The following GAK variants were observed in gnomAD, a reference collection of about 807,000 sequenced individuals.
The protein encoded by GAK is cyclin G associated kinase.
GAK carries 79 observed loss-of-function variants against 143.9 expected under a neutral mutation model. The observed-to-expected ratio is 0.55, with a 90% confidence interval of 0.46 to 0.66. The LOEUF (loss-of-function observed/expected upper bound fraction) is 0.66. Ranked by LOEUF, GAK falls within the 30% of genes least tolerant of loss-of-function variation. The pLI is 0.00. For synonymous variants in GAK, 881 were observed against 765.5 expected, an observed-to-expected ratio of 1.15 and a Z score of -2.49; for missense variants, 1,693 against 1,779.7, an observed-to-expected ratio of 0.95 and a Z score of 0.88.
intron 21 of GAK, 105 bp downstream of exon 21, chr4:866,851 T>C (rs1751277823): frequency 2.3e-6 from 2 of 884,938 alleles, no homozygotes; most frequent in South Asian, 1.8e-5. Flanking sequence ...AAGGGCACGT[T>C]CCCTTCCTGC....
At chr4:889,452 A>C (rs1240361721) in intron 10 of GAK, among the ~76,000 whole-genome samples, 5 of 152,056 alleles carry the variant, frequency 3.3e-5, no homozygotes, top group Non-Finnish European at 7.4e-5. Flanking sequence ...TGTTAAAAAA[A>C]AAACACCTGG....
chr4:862,589 C>T (rs1215519039), intron 23 of GAK, among the ~76,000 whole-genome samples: 3 of 151,196 alleles, frequency 2.0e-5, no homozygotes, highest in Non-Finnish European at 4.4e-5. Context: ...ACCCGGGAGG[C>T]GGAGCTTGCA....
At chr4:911,296 A>C (rs1722008708) in intron 4 of GAK, among the ~76,000 whole-genome samples, 1 of 151,298 alleles carries the variant, frequency 6.6e-6, no homozygotes. Flanking sequence ...ACCACGCTCC[A>C]CCCCACAGGG....
At chr4:883,206 G>C (rs1038758661) in intron 13 of GAK, 109 bp downstream of exon 13, 4 of 1,330,436 alleles carry the variant, frequency 3.0e-6, no homozygotes, top group Non-Finnish European at 2.1e-6. Context: ...GGAGACCTCC[G>C]GCCGCCCCCA....
At chr4:885,481 CCACAGGATCCACG>C (rs975154740) in intron 11 of GAK, among the ~76,000 whole-genome samples, 12 of 152,202 alleles carry the variant, frequency 7.9e-5, no homozygotes, top group African/African-American at 2.9e-4. Context: ...GCATTGAGTG[CCACAGGATCCACG>C]CACATCTCAC....
chr4:907,728 A>G (rs1721334180), intron 4 of GAK, among the ~76,000 whole-genome samples: 7 of 152,190 alleles, frequency 4.6e-5, no homozygotes, highest in Admixed American at 1.3e-4. Flanking sequence ...CTGAACCTGC[A>G]GCTGCACGGG....
At chr4:875,734 G>C (rs1713710533) in intron 18 of GAK, among the ~76,000 whole-genome samples, 1 of 152,262 alleles carries the variant, frequency 6.6e-6, no homozygotes, top group Non-Finnish European at 1.5e-5. Flanking sequence ...CTTGAGGTCA[G>C]GAATTCAAGA....
In GAK at chr4:849,465, T is replaced by C. The variant is rs1747666040; in HGVS notation, c.*208A>G. 1 of 573,066 alleles carries C rather than the reference T, an allele frequency of 1.7e-6. No homozygotes were observed. The highest frequency in any genetic ancestry group is 3.0e-5 in the Admixed American group (1 of 33,270). The allele number at this position is 573,066 out of a possible 1,614,324, so 35.5% of individuals were successfully genotyped here. The stretch of plus-strand genomic sequence containing the variant: ...GGAGGAGCATGAATCAGCTGTTCCT[T>C]CGGGAGGAGAAAAAGGAAACAACAA... On this transcript the variant is annotated 3_prime_UTR_variant, in exon 28 of 28. Coordinates refer to ENST00000314167, the MANE Select transcript of GAK (RefSeq NM_005255.4).
chr4:914,589 C>A (rs1320622474), intron 1 of GAK, among the ~76,000 whole-genome samples: 23 of 115,252 alleles, frequency 2.0e-4, no homozygotes, highest in Non-Finnish European at 3.7e-4. Context: ...CCAGGGTGCA[C>A]GGCCCCACAC....
rs114747936 is a variant in GAK, at chr4:932,262, A to T, written c.-75T>A. Reference sequence around the variant, plus strand: ...CTCCCGCTCCCTCGCCGTCCGGGTCAGCTCAGCAACCGCCGGCCCGGAGGT... The same window carrying T: ...CTCCCGCTCCCTCGCCGTCCGGGTCTGCTCAGCAACCGCCGGCCCGGAGGT... On this transcript the variant is annotated 5_prime_UTR_variant, in exon 1 of 28. Coordinates refer to ENST00000314167, the MANE Select transcript of GAK (RefSeq NM_005255.4). The surrounding 1 kb of genome is among the most constrained non-coding windows in gnomAD (Gnocchi z 4.0). 16 of 1,436,850 alleles carry T rather than the reference A, an allele frequency of 1.1e-5. No individual in the cohort carries two copies. The highest frequency in any genetic ancestry group is 1.5e-5 in the Non-Finnish European group (16 of 1,102,626). The allele number at this position is 1,436,850 out of a possible 1,614,324, so 89.0% of individuals were successfully genotyped here.
At chr4:850,287 G>A (rs1052373891) in intron 26 of GAK, 12 of 457,352 alleles carry the variant, frequency 2.6e-5, no homozygotes, top group Non-Finnish European at 3.9e-5. Context: ...AGGGCCTGGG[G>A]CCAGAGGGAC....
At chr4:859,415 A>C (rs1254315401) in intron 24 of GAK, 191 bp downstream of exon 24, 1 of 1,543,730 alleles carries the variant, frequency 6.5e-7, no homozygotes, top group Non-Finnish European at 8.7e-7. Flanking sequence ...TCCCGGTTTT[A>C]GCTTGCCAGT....
At chr4:874,176 G>T (rs1316683857) in intron 18 of GAK, among the ~76,000 whole-genome samples, 1 of 151,850 alleles carries the variant, frequency 6.6e-6, no homozygotes, top group Admixed American at 6.6e-5. Flanking sequence ...CACGTGTGTT[G>T]GTGCTCCTGC....
chr4:914,688 CA>C (rs1722766784), intron 1 of GAK, among the ~76,000 whole-genome samples: 1 of 122,578 alleles, frequency 8.2e-6, no homozygotes, highest in Non-Finnish European at 1.7e-5. Context: ...GCCCCACCCC[CA>C]ACACACAGAG....
chr4:879,156 G>A lies in GAK; in HGVS notation c.1662-1347C>T, dbSNP rs190796496. Among the ~76,000 whole-genome samples the A allele has an allele frequency of 4.4e-3, 663 of 152,262 alleles. 18 individuals are homozygous for A. In the South Asian group the frequency reaches 0.06, roughly 14 times the overall value. The stretch of plus-strand genomic sequence containing the variant: ...AATGGATGTGTGTGGTTCTAAGCCC[G>A]AGTGTGTTGTGTCGGGTCATGTAGC... On this transcript the variant is annotated intron_variant, in intron 15 of 27. Coordinates refer to ENST00000314167, the MANE Select transcript of GAK (RefSeq NM_005255.4).
chr4:893,328 C>T (rs1049236932), intron 9 of GAK, 49 bp downstream of exon 9: 1 of 1,333,328 alleles, frequency 7.5e-7, no homozygotes, highest in South Asian at 1.5e-5. Context: ...CTCATGTGTG[C>T]CTCCTTCACC....
chr4:861,574 G>A (rs1202940113), intron 23 of GAK, among the ~76,000 whole-genome samples: 1 of 152,140 alleles, frequency 6.6e-6, no homozygotes, highest in Non-Finnish European at 1.5e-5. Context: ...CACAACAAGA[G>A]CAAGACCCTG....
chr4:883,900 C>G (rs751013443), intron 12 of GAK, 137 bp downstream of exon 12: 167 of 855,212 alleles, frequency 2.0e-4, no homozygotes, highest in Non-Finnish European at 2.9e-4. Flanking sequence ...GCCAAGGGGC[C>G]CCAGGTCACC....
chr4:882,033 CTCCCG>C lies in GAK; in HGVS notation c.1530_1534del (p.Asp510GlufsTer50). 1 of 1,604,654 alleles carries C rather than the reference CTCCCG, an allele frequency of 6.2e-7. No individual in the cohort carries two copies. Among genetic ancestry groups the C allele is most frequent in the Non-Finnish European group, 8.5e-7 (1 of 1,176,042 alleles). ...GCAGACGGCCACAGCAGACGCGGCT[CTCCCG>C]TCCTAGGACAGACAGACACGTCTCG... On this transcript the variant is annotated frameshift_variant and splice_region_variant, in exon 15 of 28. Coordinates refer to ENST00000314167, the MANE Select transcript of GAK (RefSeq NM_005255.4). LOFTEE classifies it high-confidence loss of function.
Sources: allele counts gnomAD v4.1 joint callset (sites outside exome capture counted in the v4.1 genomes callset), GRCh38; gene constraint gnomAD v4.1.1; non-coding constraint Gnocchi (gnomAD v3.1); transcripts MANE v1.5; gene names NCBI Gene and HGNC (gene_info 2026-07-23, HGNC 2026-07-21).